Variants in NRXN2 observed in about 807,000 individuals in gnomAD.
NRXN2 encodes neurexin-2-beta.
Under a neutral mutation model 128.8 loss-of-function variants are expected in NRXN2, and 29 were observed. The observed-to-expected ratio is 0.23, with a 90% CI of 0.17 to 0.31. The LOEUF (loss-of-function observed/expected upper bound fraction) is 0.31, where lower values mean the gene tolerates loss of function less well. Ranked by LOEUF, NRXN2 falls within the 10% of genes least tolerant of loss-of-function variation. The pLI is 1.00. For missense variants in NRXN2, 1,881 were observed against 2,452.6 expected (o/e 0.77, Z 4.92); for synonymous variants, 1,098 against 1,075.2 (o/e 1.02, Z -0.41).
chr11:64,622,197 C>CA lies in NRXN2; in HGVS notation c.4173+555dup, dbSNP rs2042450842. On this transcript the variant is annotated intron_variant, in intron 21 of 22. Coordinates refer to ENST00000265459, the MANE Select transcript of NRXN2 (RefSeq NM_015080.4). This position sits in a 1 kb window ranked among gnomAD's most constrained non-coding sequence, Gnocchi z 4.3. ...CTTGTGAAGGCAATGGACTTGCAGC[C>CA]AGGGCTTTCCCACTGCAGGGACCCC... Among the ~76,000 whole-genome samples the CA allele has an allele frequency of 6.6e-6, 1 of 152,184 alleles. No homozygotes were observed. The highest frequency in any genetic ancestry group is 1.5e-5 in the Non-Finnish European group (1 of 68,024).
At position 64,703,007 on chromosome 11, in the gene NRXN2, T is replaced by TA. The variant is rs892209079; in HGVS notation, c.731-5216dup. On this transcript the variant is annotated intron_variant, in intron 2 of 22. Transcript: ENST00000265459. ...AAAAAAAAAAAAAGAAAGAAAGAAT[T>TA]AAAAAAAAAAGATCCAGGTCAATAC... is the stretch of plus-strand genomic sequence containing the variant. Among the ~76,000 whole-genome samples the TA allele has an allele frequency of 1.4e-4, 19 of 136,856 alleles. No homozygotes were observed. The South Asian group carries it at 2.6e-3, about 18-fold the overall frequency. 89.8% of individuals were successfully genotyped at this position (136,856 alleles called of 152,430 possible).
Position 64,635,332 on chromosome 11 carries a change from C to T in NRXN2, c.3524G>A (p.Ser1175Asn). 1 of 1,613,574 alleles carries T rather than the reference C, an allele frequency of 6.2e-7. No individual in the cohort carries two copies. Among genetic ancestry groups the T allele is most frequent in the Non-Finnish European group, 8.5e-7 (1 of 1,180,022 alleles). ...GCTGTCCACCCGCACCAGCACAGCG[C>T]TCCGCTGGTGGGTGCTGAAGCCCAC... ...LAVGFSTHQR[S>N]AVLVRVDSAS... Residue 1175 changes from serine to asparagine, a missense_variant, in exon 18 of 23, where the codon AGC becomes AAC. This residue lies in a region of NRXN2 where 390 missense variants were observed against 599.6 expected (regional missense o/e 0.65). Transcript: ENST00000265459. The surrounding 1 kb of genome is among the most constrained non-coding windows in gnomAD (Gnocchi z 4.8).
chr11:64,629,144 C>T (rs1358855598), intron 19 of NRXN2, among the ~76,000 whole-genome samples: 2 of 152,178 alleles, frequency 1.3e-5, no homozygotes, highest in African/African-American at 2.4e-5. Context: ...CCCTGCCCCT[C>T]GCAGTCAGCA....
intron 11 of NRXN2, among the ~76,000 whole-genome samples, chr11:64,656,713 C>T (rs2048335764): frequency 6.6e-6 from 1 of 152,046 alleles, no homozygotes; most frequent in Non-Finnish European, 1.5e-5. Flanking sequence ...CCAGGCCATG[C>T]TGGGATAGGG....
At chr11:64,712,378 G>A (rs1441085882) in intron 2 of NRXN2, among the ~76,000 whole-genome samples, 1 of 147,204 alleles carries the variant, frequency 6.8e-6, no homozygotes, top group Non-Finnish European at 1.5e-5. Context: ...CATAGGCCCA[G>A]CCCACACTGG....
chr11:64,657,391 T>C (rs1420738256), intron 11 of NRXN2, among the ~76,000 whole-genome samples: 1 of 152,180 alleles, frequency 6.6e-6, no homozygotes, highest in Non-Finnish European at 1.5e-5. Context: ...CTGTCCATGC[T>C]ATGTGGAAGT....
intron 8 of NRXN2, 31 bp downstream of exon 8, chr11:64,668,412 C>G (rs528642957): frequency 4.5e-5 from 72 of 1,611,824 alleles, no homozygotes; most frequent in Admixed American, 3.5e-4. Flanking sequence ...GGCTCCTGAA[C>G]AGCCTGCAGC....
Position 64,667,313 on chromosome 11 carries a change from A to G in NRXN2, c.1735T>C (p.Ser579Pro), listed in dbSNP as rs1473686334. 12 of 1,614,086 alleles carry G rather than the reference A, an allele frequency of 7.4e-6. No homozygotes were observed. Among genetic ancestry groups the G allele is most frequent in the Non-Finnish European group, 1.0e-5 (12 of 1,180,048 alleles). The change falls in exon 9 of 23, where the codon TCC becomes CCC. Residue 579 changes from serine to proline, a missense_variant. By Grantham distance (74) the Ser-to-Pro change is moderately conservative (BLOSUM62 -1). This residue lies in a region of NRXN2 where 997 missense variants were observed against 1,240.8 expected (regional missense o/e 0.80). Transcript: ENST00000265459. This position sits in a 1 kb window ranked among gnomAD's most constrained non-coding sequence, Gnocchi z 5.6. ...MGSGGIKLRA[S>P]SRKVNDGEWC... ...TCGCCATCATTGACCTTGCGGCTGG[A>G]TGCCCGCAGCTTGATGCCCCCAGAT...
At chr11:64,699,201 GTAATCTAC>G (rs559548558) in intron 2 of NRXN2, among the ~76,000 whole-genome samples, 206 of 152,164 alleles carry the variant, frequency 1.4e-3, no homozygotes, top group African/African-American at 4.9e-3. Flanking sequence ...TACCTACACA[GTAATCTAC>G]TACATAACAC....
chr11:64,692,013 A>G (rs2053868287), intron 4 of NRXN2, among the ~76,000 whole-genome samples: 1 of 152,202 alleles, frequency 6.6e-6, no homozygotes, highest in South Asian at 2.1e-4. Context: ...GGGCTAGAGG[A>G]GGCCAGAGCT....
intron 6 of NRXN2, among the ~76,000 whole-genome samples, chr11:64,683,652 TC>T (rs2052620414): frequency 6.6e-6 from 1 of 150,986 alleles, no homozygotes. Flanking sequence ...GAAAAGAAAT[TC>T]CCCCAGAATC....
chr11:64,720,576 C>A (rs1476245437), intron 1 of NRXN2, among the ~76,000 whole-genome samples: 2 of 152,048 alleles, frequency 1.3e-5, no homozygotes, highest in East Asian at 3.9e-4. Context: ...GGGTAGGAGG[C>A]CCTGCGCCGA....
intron 22 of NRXN2, among the ~76,000 whole-genome samples, chr11:64,611,288 C>T (rs540956022): frequency 7.6e-4 from 116 of 152,322 alleles, no homozygotes; most frequent in Middle Eastern, 6.8e-3. Context: ...TCTTAGGCAG[C>T]AGGCACTATG....
chr11:64,608,987 C>T (rs2040189344), intron 22 of NRXN2, among the ~76,000 whole-genome samples: 2 of 151,948 alleles, frequency 1.3e-5, no homozygotes, highest in African/African-American at 4.8e-5. Flanking sequence ...AAGCTAATTG[C>T]AGGGTGGCCA....
chr11:64,611,169 C>T (rs1423537686), intron 22 of NRXN2, among the ~76,000 whole-genome samples: 1 of 152,222 alleles, frequency 6.6e-6, no homozygotes, highest in African/African-American at 2.4e-5. Flanking sequence ...AGTAATATTC[C>T]TCAGGCATTT....
Position 64,650,548 on chromosome 11 carries a change from G to T in NRXN2, c.3009C>A (p.Asn1003Lys). The change falls in exon 15 of 23, where the codon AAC becomes AAA. Residue 1003 changes from asparagine to lysine, a missense_variant. Around this residue, in one of 7 missense-constraint regions of NRXN2, gnomAD observed 390 missense variants for 599.6 expected, o/e 0.65. Transcript: ENST00000265459. Reference sequence around the variant, plus strand: ...TGCCTGGGTCCCTGGACACCACCACGTTGTGCCACTGGTTGTCATTGACTG... The same window carrying T: ...TGCCTGGGTCCCTGGACACCACCACTTTGTGCCACTGGTTGTCATTGACTG... Reference protein sequence around the residue: ...DKPVNDNQWHNVVVSRDPGNV... With the variant: ...DKPVNDNQWHKVVVSRDPGNV... The T allele has an allele frequency of 6.2e-7, 1 of 1,614,188 alleles. No individual in the cohort carries two copies. The highest frequency in any genetic ancestry group is 1.1e-5 in the South Asian group (1 of 91,086).
At chr11:64,690,287 C>T (rs2053623311) in intron 5 of NRXN2, 118 bp downstream of exon 5, 4 of 902,100 alleles carry the variant, frequency 4.4e-6, no homozygotes, top group African/African-American at 1.6e-5. Context: ...TCACTTCCCA[C>T]AGGCCTCAGA....
chr11:64,679,538 G>A (rs2051880742), intron 6 of NRXN2, among the ~76,000 whole-genome samples: 1 of 152,160 alleles, frequency 6.6e-6, no homozygotes, highest in Non-Finnish European at 1.5e-5. Context: ...TTGGGAGGCT[G>A]AGGCAGGAGA....
rs1222160573 is a variant in NRXN2, at chr11:64,704,615, CACACACACAGAGAGAGAGAGAGAGAG to C, written c.731-6849_731-6824del. Among the ~76,000 whole-genome samples the C allele has an allele frequency of 7.9e-4, 91 of 114,548 alleles. 1 individual carries two copies. Among genetic ancestry groups the C allele is most frequent in the African/African-American group, 3.3e-3 (88 of 26,972 alleles). The allele number at this position is 114,548 out of a possible 152,430, so 75.1% of individuals were successfully genotyped here. A position where few individuals can be genotyped will look rare whatever the true frequency, so the allele number is the denominator to read the frequency against. On this transcript the variant is annotated intron_variant, in intron 2 of 22. Coordinates refer to ENST00000265459, the MANE Select transcript of NRXN2 (RefSeq NM_015080.4). ...TTCCAGGTTCACACACACACACACA[CACACACACAGAGAGAGAGAGAGAGAG>C]AGAGAGAGAGAGAGAGAGAGAGAGA...
Sources: allele counts gnomAD v4.1 joint callset (sites outside exome capture counted in the v4.1 genomes callset), GRCh38; gene constraint gnomAD v4.1.1; regional missense constraint gnomAD v4.1.1; non-coding constraint Gnocchi (gnomAD v3.1); transcripts MANE v1.5; gene names NCBI Gene and HGNC (gene_info 2026-07-23, HGNC 2026-07-21).